LRRC72: variants seen among roughly 807,000 people sequenced by gnomAD.
LRRC72 encodes the protein leucine-rich repeat-containing protein 72.
Under a neutral mutation model 35.8 loss-of-function variants are expected in LRRC72, and 41 were observed. The ratio of observed to expected loss-of-function variants is 1.15; its 90% CI spans 0.89 to 1.49. The LOEUF (loss-of-function observed/expected upper bound fraction) is 1.49, where lower values mean the gene tolerates loss of function less well. Ranked by LOEUF, LRRC72 falls within the 40% of genes most tolerant of loss-of-function variation. LRRC72 has a pLI of 0.00. For missense variants in LRRC72, 389 were observed against 330.7 expected, an observed-to-expected ratio of 1.18 and a Z score of -1.37; for synonymous variants, 118 against 119.2, an observed-to-expected ratio of 0.99 and a Z score of 0.07.
intron 6 of LRRC72, 149 bp from the exon 7 acceptor site, chr7:16,567,242 G>C (rs1288193844): frequency 1.9e-6 from 1 of 534,362 alleles, no homozygotes; most frequent in Non-Finnish European, 3.1e-6. Flanking sequence ...GGAAATAAGC[G>C]TGATAGCCCC....
chr7:16,532,204 T>C (rs1359340971), intron 1 of LRRC72, among the ~76,000 whole-genome samples: 4 of 152,116 alleles, frequency 2.6e-5, no homozygotes, highest in Non-Finnish European at 5.9e-5. Context: ...CCTTGCCTCA[T>C]ACAGAATAAA....
At chr7:16,573,468 G>A (rs1562754119) in intron 7 of LRRC72, among the ~76,000 whole-genome samples, 2 of 152,146 alleles carry the variant, frequency 1.3e-5, no homozygotes, top group African/African-American at 4.8e-5. Context: ...ATAGACCAAT[G>A]TAACAGAACA....
intron 5 of LRRC72, among the ~76,000 whole-genome samples, chr7:16,562,905 A>G (rs1187116109): frequency 6.6e-6 from 1 of 152,162 alleles, no homozygotes; most frequent in Non-Finnish European, 1.5e-5. Flanking sequence ...GCCTTTTACA[A>G]TCAGGGGTGA....
chr7:16,572,410 T>TA (rs1782963413), intron 7 of LRRC72, among the ~76,000 whole-genome samples: 1 of 152,136 alleles, frequency 6.6e-6, no homozygotes, highest in Non-Finnish European at 1.5e-5. Flanking sequence ...CTCAATAAAA[T>TA]ACTGGCAAAC....
chr7:16,561,252 A>G (rs767736950), intron 5 of LRRC72, among the ~76,000 whole-genome samples: 1 of 152,224 alleles, frequency 6.6e-6, no homozygotes, highest in Non-Finnish European at 1.5e-5. Flanking sequence ...TTAGAGTCGA[A>G]GGGGTCTAAT....
intron 2 of LRRC72, among the ~76,000 whole-genome samples, chr7:16,533,789 T>C (rs988939840): frequency 6.6e-6 from 1 of 152,158 alleles, no homozygotes; most frequent in African/African-American, 2.4e-5. Flanking sequence ...TATTTTTTAG[T>C]ATGGAACAGG....
Position 16,566,399 on chromosome 7 carries a change from A to T in LRRC72, c.514A>T (p.Asn172Tyr), listed in dbSNP as rs1425320270. Reference protein sequence around the residue: ...HLPGVELLDRNQVTEKERRSM... With the variant: ...HLPGVELLDRYQVTEKERRSM... ...TCCAGGAGTGGAGCTGCTTGACCGA[A>T]ATCGTAAGGACCCTTCCTTCTTGCA... Residue 172 changes from asparagine (N) to tyrosine (Y), a missense_variant, in exon 6 of 9, where the codon AAT becomes TAT. Coordinates refer to ENST00000401542, the MANE Select transcript of LRRC72 (RefSeq NM_001195280.2). 1 of 1,540,656 alleles carries T rather than the reference A, an allele frequency of 6.5e-7. No individual in the cohort carries two copies. The highest frequency in any genetic ancestry group is 1.2e-5 in the South Asian group (1 of 82,152).
At chr7:16,561,091 A>G (rs1401459143) in intron 5 of LRRC72, among the ~76,000 whole-genome samples, 1 of 152,170 alleles carries the variant, frequency 6.6e-6, no homozygotes, top group African/African-American at 2.4e-5. Flanking sequence ...ATAAATATTT[A>G]TAATCTATTC....
chr7:16,529,708 A>G (rs920147921), intron 1 of LRRC72, among the ~76,000 whole-genome samples: 3 of 152,214 alleles, frequency 2.0e-5, no homozygotes, highest in Non-Finnish European at 2.9e-5. Context: ...CTGTGATAAA[A>G]ACTTGTGTAA....
intron 3 of LRRC72, among the ~76,000 whole-genome samples, chr7:16,545,140 C>T (rs1208817444): frequency 3.9e-5 from 6 of 152,240 alleles, no homozygotes; most frequent in Admixed American, 3.9e-4. Context: ...AACAAACCTG[C>T]ACGTTCTGCA....
intron 7 of LRRC72, among the ~76,000 whole-genome samples, chr7:16,569,280 G>T (rs1782901785): frequency 6.6e-6 from 1 of 152,044 alleles, no homozygotes; most frequent in Admixed American, 6.5e-5. Context: ...ACAAAAATTA[G>T]CCAGGCATGG....
intron 3 of LRRC72, among the ~76,000 whole-genome samples, chr7:16,556,940 GA>G (rs1782659017): frequency 6.6e-6 from 1 of 152,154 alleles, no homozygotes; most frequent in Non-Finnish European, 1.5e-5. Flanking sequence ...TACAGATGCA[GA>G]AATGGCCTCG....
At chr7:16,537,549 C>A in intron 2 of LRRC72, 78 bp from the exon 3 acceptor site, 2 of 752,118 alleles carry the variant, frequency 2.7e-6, no homozygotes, top group South Asian at 2.0e-5. Flanking sequence ...TACTACGAAG[C>A]CATACTAACT....
intron 3 of LRRC72, among the ~76,000 whole-genome samples, chr7:16,549,506 C>A (rs1191387600): frequency 6.6e-6 from 1 of 152,146 alleles, no homozygotes; most frequent in African/African-American, 2.4e-5. Context: ...GTCACCAGCA[C>A]CAGCCACTGG....
intron 7 of LRRC72, among the ~76,000 whole-genome samples, chr7:16,570,262 T>G (rs910672742): frequency 1.3e-5 from 2 of 152,172 alleles, no homozygotes; most frequent in Admixed American, 6.5e-5. Flanking sequence ...ACATGAGTTG[T>G]GTGCAGGACA....
rs1257085895 is a variant in LRRC72, at chr7:16,558,976, G to T, written c.404G>T (p.Gly135Val). 2 of 1,534,858 alleles carry T rather than the reference G, an allele frequency of 1.3e-6. No homozygotes were observed. The highest frequency in any genetic ancestry group is 1.8e-6 in the Non-Finnish European group (2 of 1,136,940). The change falls in exon 5 of 9, where the codon GGA becomes GTA. Residue 135 changes from glycine (G) to valine (V), a missense_variant. Physicochemically the swap from Gly to Val is moderately radical, Grantham distance 109. Transcript: ENST00000401542. ...NIDATVKELK[G>V]MLNLKILSLY... Reference sequence around the variant, plus strand: ...GATGCAACAGTGAAGGAATTAAAGGGAATGCTAAATCTGAAGATCCTAAGT... The same window carrying T: ...GATGCAACAGTGAAGGAATTAAAGGTAATGCTAAATCTGAAGATCCTAAGT...
In LRRC72 at chr7:16,527,028, C is replaced by T; in HGVS notation, c.76C>T (p.Gln26Ter). The T allele has an allele frequency of 1.3e-6, 2 of 1,538,678 alleles. No homozygotes were observed. Among genetic ancestry groups the T allele is most frequent in the East Asian group, 4.9e-5 (2 of 40,902 alleles). Residue 26 changes from glutamine (Q) to a stop codon, truncating the protein, a stop_gained, in exon 1 of 9, where the codon CAG (glutamine) becomes TAG (stop). Transcript: ENST00000401542. LOFTEE classifies it high-confidence loss of function. ...RLRRASETAL[Q>*]SSRRAVEDQL... The stretch of plus-strand genomic sequence containing the variant: ...ACGGAGGGCATCCGAAACTGCCCTA[C>T]AGAGCAGTCGCCGGGTAAGCGGCAC...
At chr7:16,533,656 A>G (rs1017897184) in intron 2 of LRRC72, among the ~76,000 whole-genome samples, 2 of 152,038 alleles carry the variant, frequency 1.3e-5, no homozygotes, top group African/African-American at 4.8e-5. Context: ...TATTAAACAT[A>G]TTTATTTTAT....
Position 16,567,550 on chromosome 7 carries a change from C to G in LRRC72, c.670+7C>G. Reference sequence around the variant, plus strand: ...GCCCAGAGAGTACCTTCAGGTATTTCGTAAAAAAAAAAAAAAAAACAAATT... The same window carrying G: ...GCCCAGAGAGTACCTTCAGGTATTTGGTAAAAAAAAAAAAAAAAACAAATT... On this transcript the variant is annotated splice_region_variant and intron_variant, in intron 7 of 8. Transcript: ENST00000401542. 4.7e-6 allele frequency: 4 copies of G among 848,012 alleles called. No individual in the cohort carries two copies. Among genetic ancestry groups the G allele is most frequent in the Non-Finnish European group, 6.2e-6 (4 of 650,152 alleles). 52.5% of individuals were successfully genotyped at this position (848,012 alleles called of 1,614,324 possible). A position where few individuals can be genotyped will look rare whatever the true frequency, so the allele number is the denominator to read the frequency against.
Sources: gnomAD v4.1 joint callset for allele counts (sites outside exome capture counted in the v4.1 genomes callset) on GRCh38, gnomAD v4.1.1 for gene constraint, MANE v1.5 for transcripts, NCBI Gene and HGNC (gene_info 2026-07-23, HGNC 2026-07-21) for gene names.